Variants in GAREM2 observed in about 807,000 individuals in gnomAD.
The protein encoded by GAREM2 is GRB2 associated regulator of MAPK1 subtype 2.
Under a neutral mutation model 55.6 loss-of-function variants are expected in GAREM2, and 30 were observed. That is an observed-to-expected ratio of 0.54 (90% CI 0.40 to 0.73). The LOEUF is 0.73. Ranked by LOEUF, GAREM2 falls within the 30% of genes least tolerant of loss-of-function variation. GAREM2 has a pLI of 0.00. For synonymous variants in GAREM2, 550 were observed against 569.1 expected, an observed-to-expected ratio of 0.97 and a Z score of 0.48; for missense variants, 1,075 against 1,257.7, an observed-to-expected ratio of 0.85 and a Z score of 2.20.
chr2:26,174,728 C>G (rs1245610475), intron 1 of GAREM2, among the ~76,000 whole-genome samples: 1 of 152,190 alleles, frequency 6.6e-6, no homozygotes, highest in Non-Finnish European at 1.5e-5. Flanking sequence ...AATGTCTGGT[C>G]AGAATTGTAT....
At chr2:26,201,828 T>C in the GAREM2 span, among the ~76,000 whole-genome samples, 1 of 152,040 alleles carries the variant, frequency 6.6e-6, no homozygotes, top group Non-Finnish European at 1.5e-5. Context: ...GGAGTCTCGC[T>C]CTGTTGCCCA....
At chr2:26,182,210 G>A (rs748135740) in intron 2 of GAREM2, 191 of 1,372,052 alleles carry the variant, frequency 1.4e-4, no homozygotes, top group Non-Finnish European at 1.8e-4. Flanking sequence ...AATCACTTCC[G>A]TAAAGTCTGT....
rs1219299988 is a variant in GAREM2, at chr2:26,179,290, G to A, written c.253+2806G>A. Among the ~76,000 whole-genome samples, 1 of 152,186 alleles carries A rather than the reference G, an allele frequency of 6.6e-6. No homozygotes were observed. Among genetic ancestry groups the A allele is most frequent in the Non-Finnish European group, 1.5e-5 (1 of 68,036 alleles). ...GGCCTTGTTTCCTGCTCAGCATTTG[G>A]CAGATGCGCCTCTGGCCCAACTAGG... On this transcript the variant is annotated intron_variant, in intron 2 of 5. Coordinates refer to ENST00000401533, the MANE Select transcript of GAREM2 (RefSeq NM_001168241.2). The surrounding 1 kb of genome is among the most constrained non-coding windows in gnomAD (Gnocchi z 4.7).
intron 2 of GAREM2, chr2:26,181,996 T>C (rs932749581): frequency 5.0e-6 from 5 of 990,568 alleles, no homozygotes; most frequent in Non-Finnish European, 6.0e-6. Context: ...ACCCAGAGGC[T>C]AAAGAGTCAC....
At chr2:26,197,994 T>C in the GAREM2 span, among the ~76,000 whole-genome samples, 1 of 152,202 alleles carries the variant, frequency 6.6e-6, no homozygotes, top group East Asian at 1.9e-4. Context: ...TGCCTTCCTC[T>C]AGTTATGGCC....
chr2:26,173,677 C>T (rs961574870), intron 1 of GAREM2, among the ~76,000 whole-genome samples: 10 of 152,006 alleles, frequency 6.6e-5, no homozygotes, highest in African/African-American at 1.4e-4. Flanking sequence ...CCGGCCGCGC[C>T]CCCTTGGTCC....
downstream of GAREM2, chr2:26,192,225 A>C (rs1574601008): frequency 3.4e-4 from 253 of 746,142 alleles, no homozygotes; most frequent in East Asian, 2.4e-3. Flanking sequence ...GTATTAAAAA[A>C]AAAAAAAAAT....
chr2:26,173,865 G>A lies in GAREM2; in HGVS notation c.112+533G>A, dbSNP rs536667325. Among the ~76,000 whole-genome samples, 1,111 of 152,144 alleles carry A rather than the reference G, an allele frequency of 7.3e-3. 8 individuals carry two copies. Among genetic ancestry groups the A allele is most frequent in the African/African-American group, 0.025 (1,052 of 41,522 alleles). On this transcript the variant is annotated intron_variant, in intron 1 of 5. Coordinates refer to ENST00000401533, the MANE Select transcript of GAREM2 (RefSeq NM_001168241.2). ...GGGCAGGCCACCTTCGGGAGAGGCC[G>A]GCGGGAGCCGGGTCTGCTGCCCGGC...
downstream of GAREM2, chr2:26,191,546 C>T (rs587776501): frequency 3.7e-6 from 6 of 1,614,158 alleles, no homozygotes; most frequent in East Asian, 1.1e-4. Flanking sequence ...GCAGGTGTGG[C>T]CAAGATCCCC....
rs1488808602 is a variant in GAREM2 at position 26,183,067 on chromosome 2, C to T, written c.354C>T (p.Phe118=). 10 of 1,551,588 alleles carry T rather than the reference C, an allele frequency of 6.4e-6. No individual in the cohort carries two copies. The East Asian group carries it at 7.3e-5, about 11-fold the overall frequency. The change falls in exon 3 of 6, where the codon TTC becomes TTT. Residue 118 remains phenylalanine (F), a synonymous_variant. Coordinates refer to ENST00000401533, the MANE Select transcript of GAREM2 (RefSeq NM_001168241.2). ...EVASVFPDRI[F]VMEAITFSVK... is the part of the protein sequence containing the mutation. The stretch of plus-strand genomic sequence containing the variant: ...CCAGTGTCTTCCCTGACCGCATCTT[C>T]GTGATGGAAGCCATCACCTTCAGCG...
At position 26,187,354 on chromosome 2, in the gene GAREM2, A is replaced by T; in HGVS notation, c.1722A>T (p.Leu574=). The change falls in exon 6 of 6, where the codon CTA becomes CTT. Residue 574 remains leucine (L), a synonymous_variant. Coordinates refer to ENST00000401533, the MANE Select transcript of GAREM2 (RefSeq NM_001168241.2). ...ESSSRPAPGP[L]PSTTQPSQAS... ...CTAGCCGCCCAGCCCCCGGTCCCCT[A>T]CCCTCAACCACACAGCCCAGCCAGG... The T allele has an allele frequency of 2.6e-6, 4 of 1,546,180 alleles. No homozygotes were observed. Among genetic ancestry groups the T allele is most frequent in the Non-Finnish European group, 3.5e-6 (4 of 1,144,304 alleles).
chr2:26,186,653 G>A (rs945382578), intron 5 of GAREM2, among the ~76,000 whole-genome samples: 1 of 152,356 alleles, frequency 6.6e-6, no homozygotes, highest in South Asian at 2.1e-4. Context: ...AGGATAGAGA[G>A]AAGAGAGCTC....
In GAREM2 at chr2:26,186,374, C is replaced by T; in HGVS notation, c.1598+16C>T. On this transcript the variant is annotated intron_variant, in intron 5 of 5. Coordinates refer to ENST00000401533, the MANE Select transcript of GAREM2 (RefSeq NM_001168241.2). ...TCCAGGATGGGTGAGTCCCTGCCTT[C>T]CCTTGGTCCTGAGTTCTAAGGTAGA... 1 of 1,550,784 alleles carries T rather than the reference C, an allele frequency of 6.4e-7. No individual in the cohort carries two copies. Among genetic ancestry groups the T allele is most frequent in the Non-Finnish European group, 8.7e-7 (1 of 1,146,106 alleles).
chr2:26,186,049 T>G, intron 4 of GAREM2, 140 bp from the exon 5 acceptor site: 1 of 762,830 alleles, frequency 1.3e-6, no homozygotes, highest in Non-Finnish European at 2.0e-6. Context: ...GGATGAGCAG[T>G]TGGGGTGCAA....
chr2:26,193,917 T>C, downstream of GAREM2: 2 of 669,274 alleles, frequency 3.0e-6, no homozygotes, highest in Non-Finnish European at 5.3e-6. Context: ...TGCTATTTCA[T>C]TCAGGGAAGC....
rs762156948 is a variant in GAREM2, at chr2:26,186,405, G to A, written c.1598+47G>A. 5.3e-6 allele frequency: 8 copies of A among 1,522,190 alleles called. No individual in the cohort carries two copies. In the South Asian group the frequency reaches 8.4e-5, roughly 16 times the overall value. The allele number at this position is 1,522,190 out of a possible 1,614,324, so 94.3% of individuals were successfully genotyped here. ...GTCCTGAGTTCTAAGGTAGATCAAG[G>A]CAGGGAAGGGTGAGGAGGGGGAACT... On this transcript the variant is annotated intron_variant, in intron 5 of 5. Coordinates refer to ENST00000401533, the MANE Select transcript of GAREM2 (RefSeq NM_001168241.2).
At chr2:26,186,970 C>T (rs1334081456) in intron 5 of GAREM2, among the ~76,000 whole-genome samples, 2 of 152,174 alleles carry the variant, frequency 1.3e-5, no homozygotes, top group Non-Finnish European at 1.5e-5. Flanking sequence ...GCGAGAACAC[C>T]ATCTCAAAAG....
chr2:26,200,190 C>T, the GAREM2 span, among the ~76,000 whole-genome samples: 2 of 152,116 alleles, frequency 1.3e-5, no homozygotes, highest in Non-Finnish European at 2.9e-5. Flanking sequence ...CTCTGTGGTA[C>T]TCTTATTTTT....
chr2:26,191,741 T>A (rs539850142), downstream of GAREM2: 35 of 1,066,388 alleles, frequency 3.3e-5, 1 homozygote, highest in South Asian at 4.4e-4. Flanking sequence ...TGTGGGCCGG[T>A]TGGTGCTGGC....
Sources: gnomAD v4.1 joint callset for allele counts (sites outside exome capture counted in the v4.1 genomes callset) on GRCh38, gnomAD v4.1.1 for gene constraint, Gnocchi (gnomAD v3.1) non-coding constraint, MANE v1.5 for transcripts, NCBI Gene and HGNC (gene_info 2026-07-23, HGNC 2026-07-21) for gene names.